TBC1D4: variants seen among roughly 807,000 people sequenced by gnomAD.
TBC1D4 encodes the protein TBC (Tre-2, BUB2, CDC16) domain-containing protein.
A neutral mutation model predicts 142.5 loss-of-function variants in TBC1D4; 121 were observed. That is an observed-to-expected ratio of 0.85 (90% CI 0.73 to 0.99). The LOEUF is 0.99. TBC1D4 is among the 50% of genes least tolerant of loss of function. TBC1D4 has a pLI of 0.00. For synonymous variants in TBC1D4, 630 were observed against 628.2 expected, an observed-to-expected ratio of 1.00 and a Z score of -0.04; for missense variants, 1,475 against 1,606.6, an observed-to-expected ratio of 0.92 and a Z score of 1.40.
At chr13:75,447,186 T>C (rs1887324542) in intron 1 of TBC1D4, among the ~76,000 whole-genome samples, 1 of 152,130 alleles carries the variant, frequency 6.6e-6, no homozygotes, top group Admixed American at 6.5e-5. Flanking sequence ...GGAGAAAGTA[T>C]TTAGTAGATT....
chr13:75,366,882 C>G (rs982252231), intron 1 of TBC1D4: 1 of 895,102 alleles, frequency 1.1e-6, no homozygotes, highest in Non-Finnish European at 1.3e-6. Flanking sequence ...AGGAGAAAAT[C>G]TGGAGAGTGA....
intron 6 of TBC1D4, 114 bp from the exon 7 acceptor site, chr13:75,341,349 A>G: frequency 7.7e-7 from 1 of 1,291,750 alleles, no homozygotes; most frequent in Non-Finnish European, 1.1e-6. Context: ...TCAGAAGCAA[A>G]AGTAAAATGG....
chr13:75,389,485 TA>T (rs1884352651), intron 1 of TBC1D4, among the ~76,000 whole-genome samples: 1 of 152,230 alleles, frequency 6.6e-6, no homozygotes, highest in Non-Finnish European at 1.5e-5. Context: ...AAAAGCACTG[TA>T]AGTAGAAACA....
rs149028771 is a variant in TBC1D4 at position 75,410,663 on chromosome 13, G to A, written c.499-48056C>T. Reference sequence around the variant, plus strand: ...AGAAATACCGAAGGGGAGGCCGGGCGCGGTGGCTCACGCCTGTAATCCCAG... The same window carrying A: ...AGAAATACCGAAGGGGAGGCCGGGCACGGTGGCTCACGCCTGTAATCCCAG... On this transcript the variant is annotated intron_variant, in intron 1 of 20. Coordinates refer to ENST00000377636, the MANE Select transcript of TBC1D4 (RefSeq NM_014832.5). Among the ~76,000 whole-genome samples, 1,236 of 152,150 alleles carry A rather than the reference G, an allele frequency of 8.1e-3. 22 individuals are homozygous for A. Among genetic ancestry groups the A allele is most frequent in the African/African-American group, 0.025 (1,044 of 41,502 alleles).
intron 2 of TBC1D4, among the ~76,000 whole-genome samples, chr13:75,360,735 T>C (rs1005434149): frequency 3.3e-5 from 5 of 152,188 alleles, no homozygotes; most frequent in Non-Finnish European, 7.4e-5. Context: ...ATTTTCTCCT[T>C]AAGGCAAAAT....
intron 20 of TBC1D4, among the ~76,000 whole-genome samples, chr13:75,288,675 A>G (rs1338572146): frequency 6.6e-6 from 1 of 152,060 alleles, no homozygotes; most frequent in African/African-American, 2.4e-5. Context: ...ATTTAACCAA[A>G]TATCTATAAC....
chr13:75,360,164 C>T (rs1214209752), intron 2 of TBC1D4, among the ~76,000 whole-genome samples: 1 of 152,146 alleles, frequency 6.6e-6, no homozygotes, highest in Non-Finnish European at 1.5e-5. Context: ...TTCCTCACTT[C>T]ATGATTTCTA....
chr13:75,467,494 T>C (rs1888214490), intron 1 of TBC1D4, among the ~76,000 whole-genome samples: 1 of 152,112 alleles, frequency 6.6e-6, no homozygotes, highest in South Asian at 2.1e-4. Context: ...TGTATGAGAC[T>C]CTCCTACACC....
In TBC1D4 at chr13:75,286,894, G is replaced by C. The variant is rs761756208; in HGVS notation, c.3795C>G (p.Leu1265=). The change falls in exon 21 of 21, where the codon CTC becomes CTG. Residue 1265 remains leucine (L), a synonymous_variant. Transcript: ENST00000377636. Reference sequence around the variant, plus strand: ...GAGCATCCGCGGGCAGCAGCTTCCGGAGTTGCTCCACTGTCTTTTGATAAG... The same window carrying C: ...GAGCATCCGCGGGCAGCAGCTTCCGCAGTTGCTCCACTGTCTTTTGATAAG... The part of the protein sequence containing the change: ...KMAYQKTVEQ[L]RKLLPADALV... 7 of 1,613,882 alleles carry C rather than the reference G, an allele frequency of 4.3e-6. No homozygotes were observed. In the African/African-American group the frequency reaches 9.3e-5, roughly 22 times the overall value.
intron 1 of TBC1D4, among the ~76,000 whole-genome samples, chr13:75,469,614 T>A (rs987846263): frequency 3.9e-5 from 6 of 151,996 alleles, no homozygotes; most frequent in Admixed American, 6.6e-5. Context: ...CTACAAAAAA[T>A]TTTTTAAAAC....
chr13:75,427,169 G>A (rs906433323), intron 1 of TBC1D4, among the ~76,000 whole-genome samples: 12 of 151,446 alleles, frequency 7.9e-5, no homozygotes, highest in Admixed American at 5.3e-4. Flanking sequence ...CTCACTGCAA[G>A]CTCCGCCTCC....
chr13:75,413,296 G>C (rs984053253), intron 1 of TBC1D4, among the ~76,000 whole-genome samples: 2 of 152,056 alleles, frequency 1.3e-5, no homozygotes, highest in African/African-American at 2.4e-5. Context: ...CGAGTAGCTG[G>C]GACTACAGGT....
At chr13:75,376,287 T>A (rs550842744) in intron 1 of TBC1D4, among the ~76,000 whole-genome samples, 7 of 152,224 alleles carry the variant, frequency 4.6e-5, no homozygotes, top group African/African-American at 1.7e-4. Context: ...ACAAAGCACA[T>A]CTGATGGTAA....
rs369265815 is a variant in TBC1D4, at chr13:75,356,174, A to G, written c.1248T>C (p.Tyr416=). Residue 416 remains tyrosine (Y), a synonymous_variant, in exon 4 of 21, where the codon TAT becomes TAC. Transcript: ENST00000377636. ...PEPGLSQYIC[Y]VFQCASESLV... ...GAGATTCGCTGGCACACTGGAATAC[A>G]TAACAAATATACTGGCTAAGTCCAG... The G allele has an allele frequency of 6.2e-7, 1 of 1,613,778 alleles. No individual in the cohort carries two copies. The highest frequency in any genetic ancestry group is 8.5e-7 in the Non-Finnish European group (1 of 1,179,778).
Position 75,412,620 on chromosome 13 carries a change from C to A in TBC1D4, c.499-50013G>T, listed in dbSNP as rs575920564. On this transcript the variant is annotated intron_variant, in intron 1 of 20. Coordinates refer to ENST00000377636, the MANE Select transcript of TBC1D4 (RefSeq NM_014832.5). ...ATGCCCAGCTAAAATACCTTTTTAC[C>A]GTCACCTCTAAATAAAGTCAAAGGG... Among the ~76,000 whole-genome samples the A allele has an allele frequency of 7.2e-5, 11 of 152,088 alleles. No individual in the cohort carries two copies. The East Asian group carries it at 2.1e-3, about 29-fold the overall frequency.
At chr13:75,363,658 T>C (rs1593794724) in intron 1 of TBC1D4, among the ~76,000 whole-genome samples, 1 of 151,994 alleles carries the variant, frequency 6.6e-6, no homozygotes, top group East Asian at 1.9e-4. Flanking sequence ...AAAACCAAGC[T>C]GTGCCCTAAC....
Position 75,285,079 on chromosome 13 carries a change from T to C in TBC1D4, c.*1713A>G, listed in dbSNP as rs1161139764. ...CAACAAATCAATTAGTAGCCCCCAA[T>C]TGAATGGGGCAGACAGAATCAGCAT... On this transcript the variant is annotated 3_prime_UTR_variant, in exon 21 of 21. Coordinates refer to ENST00000377636, the MANE Select transcript of TBC1D4 (RefSeq NM_014832.5). 6.6e-6 allele frequency: 1 copy of C among 152,118 alleles called. No individual in the cohort carries two copies. Among genetic ancestry groups the C allele is most frequent in the Non-Finnish European group, 1.5e-5 (1 of 68,028 alleles). 9.4% of individuals were successfully genotyped at this position (152,118 alleles called of 1,614,324 possible).
intron 1 of TBC1D4, among the ~76,000 whole-genome samples, chr13:75,475,318 A>C (rs562537994): frequency 1.3e-5 from 2 of 152,358 alleles, no homozygotes; most frequent in African/African-American, 4.8e-5. Flanking sequence ...ATTACATTAA[A>C]TCATAATTGA....
At chr13:75,314,235 C>A (rs1032035735) in intron 12 of TBC1D4, among the ~76,000 whole-genome samples, 2 of 151,972 alleles carry the variant, frequency 1.3e-5, no homozygotes, top group South Asian at 4.1e-4. Flanking sequence ...CCTGAGAGAA[C>A]AATAAGGATA....
Sources: allele counts gnomAD v4.1 joint callset (sites outside exome capture counted in the v4.1 genomes callset), GRCh38; gene constraint gnomAD v4.1.1; transcripts MANE v1.5; gene names NCBI Gene and HGNC (gene_info 2026-07-23, HGNC 2026-07-21).